Variants in HTR4 observed in about 807,000 individuals in gnomAD.
The protein encoded by HTR4 is 5-hydroxytryptamine receptor 4.
Under a neutral mutation model 36.8 loss-of-function variants are expected in HTR4, and 16 were observed. The observed-to-expected ratio is 0.43, with a 90% CI of 0.29 to 0.66. The LOEUF is 0.66. Ranked by LOEUF, HTR4 falls within the 30% of genes least tolerant of loss-of-function variation. The pLI is 0.13. For missense variants in HTR4, 438 were observed against 490.9 expected (o/e 0.89, Z 1.02); for synonymous variants, 189 against 185.1 (o/e 1.02, Z -0.17).
At chr5:148,544,564 T>A (rs1048145900) in intron 4 of HTR4, among the ~76,000 whole-genome samples, 1 of 152,174 alleles carries the variant, frequency 6.6e-6, no homozygotes, top group Non-Finnish European at 1.5e-5. Context: ...CTTGGTTAGC[T>A]TTTATTCACC....
At chr5:148,530,842 G>T (rs1758526365) in intron 4 of HTR4, among the ~76,000 whole-genome samples, 1 of 152,160 alleles carries the variant, frequency 6.6e-6, no homozygotes, top group African/African-American at 2.4e-5. Flanking sequence ...CAAGACCATG[G>T]GAACCTACCT....
At position 148,481,845 on chromosome 5, in the gene HTR4, T is replaced by C; in HGVS notation, c.*1358A>G. 4.6e-6 allele frequency: 6 copies of C among 1,303,046 alleles called. No homozygotes were observed. The highest frequency in any genetic ancestry group is 5.8e-6 in the Non-Finnish European group (6 of 1,031,140). 80.7% of individuals were successfully genotyped at this position (1,303,046 alleles called of 1,614,324 possible). On this transcript the variant is annotated 3_prime_UTR_variant, in exon 7 of 7. Coordinates refer to ENST00000377888, the MANE Select transcript of HTR4 (RefSeq NM_000870.7). ...CAGCTTTGAATAAAAGACATCCAGA[T>C]TAATCTGAAGGACAAAGCTGGAAAG...
At chr5:148,486,931 C>CAT (rs1756186734) in intron 6 of HTR4, among the ~76,000 whole-genome samples, 1 of 152,196 alleles carries the variant, frequency 6.6e-6, no homozygotes, top group Non-Finnish European at 1.5e-5. Flanking sequence ...TGTCTCTCCT[C>CAT]AAACATATGT....
intron 2 of HTR4, among the ~76,000 whole-genome samples, chr5:148,615,136 T>C (rs1416871116): frequency 2.8e-4 from 43 of 151,434 alleles, no homozygotes; most frequent in African/African-American, 1.0e-3. Flanking sequence ...TCCTCAGGGA[T>C]CTAGAACTAG....
At chr5:148,600,160 C>T (rs1341979975) in intron 2 of HTR4, among the ~76,000 whole-genome samples, 1 of 150,398 alleles carries the variant, frequency 6.6e-6, no homozygotes, top group East Asian at 1.9e-4. Flanking sequence ...TAAATAAACT[C>T]ATGAAAAAGA....
intron 6 of HTR4, among the ~76,000 whole-genome samples, chr5:148,493,883 G>A (rs1161792652): frequency 6.6e-6 from 1 of 152,170 alleles, no homozygotes; most frequent in African/African-American, 2.4e-5. Flanking sequence ...AAACAATGAG[G>A]TAAACGTTGA....
chr5:148,566,351 A>G (rs1309985313), intron 2 of HTR4, among the ~76,000 whole-genome samples: 1 of 152,202 alleles, frequency 6.6e-6, no homozygotes, highest in African/African-American at 2.4e-5. Flanking sequence ...ATACTAGAAG[A>G]AATGAGTGGT....
chr5:148,561,344 G>A (rs1018960050), intron 2 of HTR4, among the ~76,000 whole-genome samples: 9 of 152,180 alleles, frequency 5.9e-5, no homozygotes, highest in Non-Finnish European at 1.3e-4. Context: ...ATGCCTGAAT[G>A]TAAAGCCAAG....
At chr5:148,600,460 A>G (rs1345118617) in intron 2 of HTR4, among the ~76,000 whole-genome samples, 1 of 151,142 alleles carries the variant, frequency 6.6e-6, no homozygotes, top group East Asian at 1.9e-4. Context: ...CTATATGTAG[A>G]AAACCCTAAA....
At chr5:148,581,337 T>A (rs1253093758) in intron 2 of HTR4, among the ~76,000 whole-genome samples, 1 of 152,026 alleles carries the variant, frequency 6.6e-6, no homozygotes. Context: ...TTCAGAAGTG[T>A]TTTCGTTTAA....
chr5:148,511,309 C>T (rs1246053197), intron 5 of HTR4, among the ~76,000 whole-genome samples: 2 of 152,110 alleles, frequency 1.3e-5, no homozygotes, highest in Non-Finnish European at 2.9e-5. Flanking sequence ...ACCCAGCAGC[C>T]TCCCAAATGC....
chr5:148,562,360 G>A (rs532493798), intron 2 of HTR4, among the ~76,000 whole-genome samples: 8 of 152,234 alleles, frequency 5.3e-5, no homozygotes, highest in Admixed American at 3.9e-4. Context: ...AGACCTATAA[G>A]AGCCTAAAAG....
intron 4 of HTR4, among the ~76,000 whole-genome samples, chr5:148,526,796 T>C (rs191782664): frequency 3.3e-5 from 5 of 152,256 alleles, no homozygotes; most frequent in Admixed American, 3.3e-4. Context: ...TATTGCATGT[T>C]GTCCCTCATG....
At chr5:148,568,118 T>C (rs552386990) in intron 2 of HTR4, among the ~76,000 whole-genome samples, 2 of 152,186 alleles carry the variant, frequency 1.3e-5, no homozygotes, top group African/African-American at 2.4e-5. Context: ...TGAAATACTC[T>C]ATCTTTTCCT....
chr5:148,484,526 A>G (rs780204081), intron 6 of HTR4: 101 of 706,134 alleles, frequency 1.4e-4, no homozygotes, highest in Non-Finnish European at 1.8e-4. Context: ...GCTTCCACCT[A>G]TTCCCCAGTC....
At chr5:148,579,931 A>AT (rs1761069068) in intron 2 of HTR4, among the ~76,000 whole-genome samples, 1 of 152,060 alleles carries the variant, frequency 6.6e-6, no homozygotes, top group South Asian at 2.1e-4. Context: ...TAATTTTCCT[A>AT]TTTTAAGGTC....
In HTR4 at chr5:148,637,022, A is replaced by C. The variant is rs1275156689; in HGVS notation, c.-8T>G. On this transcript the variant is annotated 5_prime_UTR_variant, in exon 2 of 7. In the 5' UTR this introduces an upstream ATG that the reference lacks. Coordinates refer to ENST00000377888, the MANE Select transcript of HTR4 (RefSeq NM_000870.7). Reference sequence around the variant, plus strand: ...AGCATCAAGTTTGTCCATTACAGGAAATAAGCATGAGTGAGTTGGATTTCA... The same window carrying C: ...AGCATCAAGTTTGTCCATTACAGGACATAAGCATGAGTGAGTTGGATTTCA... 1.2e-6 allele frequency: 2 copies of C among 1,610,790 alleles called. No individual in the cohort carries two copies. Among genetic ancestry groups the C allele is most frequent in the African/African-American group, 2.7e-5 (2 of 74,868 alleles).
chr5:148,460,150 G>C (rs1463418993), intron 5 of HTR4, among the ~76,000 whole-genome samples: 1 of 151,380 alleles, frequency 6.6e-6, no homozygotes, highest in Non-Finnish European at 1.5e-5. Flanking sequence ...CAAGAACTAT[G>C]GGACAACTAA....
chr5:148,491,719 T>A (rs1394256793), intron 6 of HTR4, among the ~76,000 whole-genome samples: 1 of 152,186 alleles, frequency 6.6e-6, no homozygotes, highest in Non-Finnish European at 1.5e-5. Context: ...ATCTCAGTGA[T>A]CTAAGACATG....
Sources: gnomAD v4.1 joint callset for allele counts (sites outside exome capture counted in the v4.1 genomes callset) on GRCh38, gnomAD v4.1.1 for gene constraint, MANE v1.5 for transcripts, NCBI Gene and HGNC (gene_info 2026-07-23, HGNC 2026-07-21) for gene names.